The following ZNF407 variants were observed in gnomAD, a reference collection of about 807,000 sequenced individuals.
ZNF407 encodes the protein zinc finger protein 407.
Under a neutral mutation model 131.2 loss-of-function variants are expected in ZNF407, and 17 were observed. That is an observed-to-expected ratio of 0.13 (90% CI 0.09 to 0.19). The LOEUF is 0.19. ZNF407 is among the 10% of genes least tolerant of loss of function. The pLI is 1.00. For synonymous variants in ZNF407, 1,156 were observed against 1,062.0 expected (o/e 1.09, Z -1.72); for missense variants, 2,681 against 2,830.6 (o/e 0.95, Z 1.20).
At chr18:74,679,777 G>A (rs762908138) in intron 3 of ZNF407, among the ~76,000 whole-genome samples, 1 of 152,168 alleles carries the variant, frequency 6.6e-6, no homozygotes, top group African/African-American at 2.4e-5. Flanking sequence ...TCTGTAGGAT[G>A]ATCTTGTGAA....
chr18:74,665,000 C>T (rs1433345110), intron 3 of ZNF407, among the ~76,000 whole-genome samples: 2 of 152,212 alleles, frequency 1.3e-5, no homozygotes, highest in African/African-American at 2.4e-5. Context: ...CACTTTATTT[C>T]ACCAGGTTTC....
At chr18:74,770,123 G>A (rs1416100076) in intron 3 of ZNF407, among the ~76,000 whole-genome samples, 1 of 152,170 alleles carries the variant, frequency 6.6e-6, no homozygotes, top group East Asian at 1.9e-4. Flanking sequence ...CTTGGAAGCT[G>A]GGAATGGTGG....
intron 4 of ZNF407, among the ~76,000 whole-genome samples, chr18:74,809,743 A>G (rs559209077): frequency 2.0e-5 from 3 of 152,332 alleles, no homozygotes; most frequent in East Asian, 3.9e-4. Flanking sequence ...CTTTGCACAT[A>G]CATACAAAGT....
At chr18:74,680,405 A>AG (rs1966954909) in intron 3 of ZNF407, among the ~76,000 whole-genome samples, 3 of 151,386 alleles carry the variant, frequency 2.0e-5, no homozygotes, top group Non-Finnish European at 4.4e-5. Context: ...TGCCTTAAAA[A>AG]AAAAAAAAAA....
Position 75,064,461 on chromosome 18 carries a change from A to G in ZNF407, c.6740A>G (p.Glu2247Gly). Residue 2247 changes from glutamate (E) to glycine (G), a missense_variant, in exon 9 of 9, where the codon GAA (glutamate) becomes GGA (glycine). Glu to Gly is a moderately conservative substitution (Grantham distance 98, BLOSUM62 -2). Around this residue, in one of 6 missense-constraint regions of ZNF407, gnomAD observed 620 missense variants for 583.1 expected, o/e 1.06. Transcript: ENST00000299687. The part of the protein sequence containing the change: ...QSQRESSELQ[E>G]A ...CAAAGAGAAAGCAGCGAACTCCAGG[A>G]AGCATGAGACGCGCGGCACCTTTAC... is the stretch of plus-strand genomic sequence containing the variant. The G allele has an allele frequency of 6.7e-7, 1 of 1,486,200 alleles. No homozygotes were observed. The highest frequency in any genetic ancestry group is 2.5e-5 in the East Asian group (1 of 40,678). 92.1% of individuals were successfully genotyped at this position (1,486,200 alleles called of 1,614,324 possible).
chr18:74,674,930 C>G (rs1265931662), intron 3 of ZNF407, among the ~76,000 whole-genome samples: 2 of 152,170 alleles, frequency 1.3e-5, no homozygotes, highest in African/African-American at 2.4e-5. Context: ...AAATGTATAT[C>G]TCTAGTCTTG....
At chr18:74,723,549 T>G (rs1968088443) in intron 3 of ZNF407, among the ~76,000 whole-genome samples, 1 of 152,218 alleles carries the variant, frequency 6.6e-6, no homozygotes, top group African/African-American at 2.4e-5. Flanking sequence ...CCATCTGCCT[T>G]CTCTCTTCCT....
intron 4 of ZNF407, among the ~76,000 whole-genome samples, chr18:74,849,147 C>T (rs557034852): frequency 5.4e-5 from 8 of 148,398 alleles, no homozygotes; most frequent in Middle Eastern, 3.5e-3. Flanking sequence ...GGCGCAATCT[C>T]GGCTCACTGC....
At chr18:74,883,049 T>C (rs186660237) in intron 6 of ZNF407, among the ~76,000 whole-genome samples, 2 of 152,328 alleles carry the variant, frequency 1.3e-5, no homozygotes, top group Admixed American at 1.3e-4. Context: ...ATCCCAGTGA[T>C]AGATCGATCA....
intron 1 of ZNF407, among the ~76,000 whole-genome samples, chr18:74,622,559 C>A (rs560390065): frequency 6.6e-6 from 1 of 152,178 alleles, no homozygotes; most frequent in Admixed American, 6.5e-5. Flanking sequence ...TTCATACACG[C>A]GTGTGTATGC....
chr18:74,835,603 G>A (rs1970544058), intron 4 of ZNF407, among the ~76,000 whole-genome samples: 2 of 150,024 alleles, frequency 1.3e-5, no homozygotes, highest in African/African-American at 4.9e-5. Context: ...TTTTGAGTGT[G>A]TGAGTTTGTG....
chr18:74,601,423 A>G (rs797010566), intron 1 of ZNF407, among the ~76,000 whole-genome samples: 3 of 151,700 alleles, frequency 2.0e-5, no homozygotes, highest in African/African-American at 7.3e-5. Flanking sequence ...GTCTCTTGGC[A>G]TGATGTCTTA....
chr18:74,682,698 C>G (rs933588217), intron 3 of ZNF407, among the ~76,000 whole-genome samples: 1 of 152,152 alleles, frequency 6.6e-6, no homozygotes, highest in Non-Finnish European at 1.5e-5. Flanking sequence ...ATTACAATGG[C>G]TGTGCTGTTT....
intron 3 of ZNF407, among the ~76,000 whole-genome samples, chr18:74,718,961 C>T (rs1599096186): frequency 6.6e-6 from 1 of 152,008 alleles, no homozygotes; most frequent in South Asian, 2.1e-4. Flanking sequence ...CTCTAGTCTT[C>T]TTGTGGTTAC....
chr18:74,991,279 A>G (rs1256108160), intron 8 of ZNF407, among the ~76,000 whole-genome samples: 1 of 152,232 alleles, frequency 6.6e-6, no homozygotes, highest in Non-Finnish European at 1.5e-5. Flanking sequence ...TTGTGTGCAC[A>G]CACTTCGATT....
intron 8 of ZNF407, among the ~76,000 whole-genome samples, chr18:74,953,384 GT>G (rs943451286): frequency 2.6e-5 from 4 of 152,074 alleles, no homozygotes; most frequent in Non-Finnish European, 5.9e-5. Flanking sequence ...TTTGTTATCT[GT>G]TTTTTTCTAC....
intron 3 of ZNF407, among the ~76,000 whole-genome samples, chr18:74,772,608 T>C (rs959733882): frequency 3.3e-5 from 5 of 152,194 alleles, no homozygotes; most frequent in African/African-American, 1.2e-4. Context: ...TTTTTATCTT[T>C]TATTTCATAT....
chr18:75,019,179 G>A (rs1293012215), intron 8 of ZNF407, among the ~76,000 whole-genome samples: 3 of 152,012 alleles, frequency 2.0e-5, no homozygotes, highest in Non-Finnish European at 2.9e-5. Flanking sequence ...GTATGTTTAT[G>A]TATTTTCTTT....
Position 75,063,553 on chromosome 18 carries a change from G to C in ZNF407, c.5832G>C (p.Val1944=), listed in dbSNP as rs1339852631. ...LADGATQVVV[V]GGSMEGHGMD... ...ATGGAGCCACCCAGGTGGTCGTCGTGGGGGGCTCCATGGAAGGCCACGGCA... is the reference window on the plus strand; with the variant it reads ...ATGGAGCCACCCAGGTGGTCGTCGTCGGGGGCTCCATGGAAGGCCACGGCA... Residue 1944 remains valine (V), a synonymous_variant, in exon 9 of 9, where the codon GTG becomes GTC. Coordinates refer to ENST00000299687, the MANE Select transcript of ZNF407 (RefSeq NM_017757.3). The surrounding 1 kb of genome is among the most constrained non-coding windows in gnomAD (Gnocchi z 6.6). 3.8e-6 allele frequency: 6 copies of C among 1,567,570 alleles called. No homozygotes were observed. The highest frequency in any genetic ancestry group is 2.4e-5 in the East Asian group (1 of 41,942).
Sources: gnomAD v4.1 joint callset for allele counts (sites outside exome capture counted in the v4.1 genomes callset) on GRCh38, gnomAD v4.1.1 for gene constraint, gnomAD v4.1.1 regional missense constraint, Gnocchi (gnomAD v3.1) non-coding constraint, MANE v1.5 for transcripts, NCBI Gene and HGNC (gene_info 2026-07-23, HGNC 2026-07-21) for gene names.